The following ATP2B3 variants were observed in gnomAD, a reference collection of about 807,000 sequenced individuals.
The protein encoded by ATP2B3 is ATPase plasma membrane Ca2+ transporting 3.
A neutral mutation model predicts 70.8 loss-of-function variants in ATP2B3; 12 were observed. The observed-to-expected ratio is 0.17, with a 90% CI of 0.11 to 0.27. The LOEUF (loss-of-function observed/expected upper bound fraction) is 0.27, where lower values mean the gene tolerates loss of function less well. ATP2B3 is among the 10% of genes least tolerant of loss of function. The pLI is 1.00. For synonymous variants in ATP2B3, 460 were observed against 497.8 expected (o/e 0.92, Z 1.01); for missense variants, 858 against 1,118.5 (o/e 0.77, Z 3.32).
chrX:153,577,100 C>A (rs1401833517), intron 21 of ATP2B3, among the ~76,000 whole-genome samples: 1 of 112,916 alleles, frequency 8.9e-6, no homozygotes, highest in Non-Finnish European at 1.9e-5. Context: ...CAGCGGTTCA[C>A]TCAGTCACTT....
intron 2 of ATP2B3, among the ~76,000 whole-genome samples, chrX:153,525,235 C>T (rs1321989962): frequency 1.8e-5 from 2 of 112,638 alleles, no homozygotes; most frequent in African/African-American, 3.2e-5. Context: ...TCCTGACACT[C>T]AGAATTCCCT....
chrX:153,541,770 G>C lies in ATP2B3; in HGVS notation c.508G>C (p.Val170Leu). 1 of 1,211,750 alleles carries C rather than the reference G, an allele frequency of 8.3e-7. No homozygotes were observed. The highest frequency in any genetic ancestry group is 1.1e-6 in the Non-Finnish European group (1 of 895,545). ...GCTGTCCGTCATCTGTGTGGTGCTG[G>C]TCACGGCCTTCAATGACTGGAGCAA... ...ILLSVICVVL[V>L]TAFNDWSKEK... Residue 170 changes from valine (V) to leucine (L), a missense_variant, in exon 5 of 22, where the codon GTC (valine) becomes CTC (leucine). By Grantham distance (32) the Val-to-Leu change is conservative (BLOSUM62 1). This residue lies in a region of ATP2B3 where 278 missense variants were observed against 366.2 expected (regional missense o/e 0.76). Transcript: ENST00000263519.
chrX:153,556,180 C>T lies in ATP2B3; in HGVS notation c.2190C>T (p.Cys730=). The T allele has an allele frequency of 8.3e-7, 1 of 1,211,032 alleles. No individual in the cohort carries two copies. Among genetic ancestry groups the T allele is most frequent in the South Asian group, 1.8e-5 (1 of 56,824 alleles). Residue 730 remains cysteine (C), a synonymous_variant, in exon 14 of 22, where the codon TGC becomes TGT. Transcript: ENST00000263519. The part of the protein sequence containing the change: ...GIIQPGEDFL[C]LEGKEFNRRI... ...TCCAGCCCGGGGAGGACTTCCTGTGCCTAGAAGGGAAGGAGTTCAACCGGC... is the reference window on the plus strand; with the variant it reads ...TCCAGCCCGGGGAGGACTTCCTGTGTCTAGAAGGGAAGGAGTTCAACCGGC...
intron 8 of ATP2B3, among the ~76,000 whole-genome samples, chrX:153,546,947 G>A (rs1424044675): frequency 6.2e-5 from 7 of 112,528 alleles, no homozygotes; most frequent in Non-Finnish European, 1.3e-4. Context: ...GTGTCCTGAC[G>A]CCACTGGGAA....
At chrX:153,528,644 G>T (rs1557000714) in intron 2 of ATP2B3, among the ~76,000 whole-genome samples, 1 of 111,818 alleles carries the variant, frequency 8.9e-6, no homozygotes, top group Admixed American at 9.5e-5. Flanking sequence ...TCTTTCTCAT[G>T]TAAGAGTCTA....
Position 153,562,192 on chromosome X carries a change from C to G in ATP2B3, c.3109C>G (p.Gln1037Glu). ...CAGCTGCTCCCCACTATCCACAGAACAGTGGCTCTGGTGCCTGTTTGTTGG... is the reference window on the plus strand; with the variant it reads ...CAGCTGCTCCCCACTATCCACAGAAGAGTGGCTCTGGTGCCTGTTTGTTGG... Reference protein sequence around the residue: ...PFSCSPLSTEQWLWCLFVGVG... With the variant: ...PFSCSPLSTEEWLWCLFVGVG... Residue 1037 changes from glutamine to glutamate, a missense_variant, in exon 20 of 22, where the codon CAG (glutamine) becomes GAG (glutamate). Gln to Glu is a conservative substitution (Grantham distance 29). Transcript: ENST00000263519. The G allele has an allele frequency of 8.2e-7, 1 of 1,212,280 alleles. No homozygotes were observed. The highest frequency in any genetic ancestry group is 1.1e-6 in the Non-Finnish European group (1 of 895,562).
At chrX:153,556,872 G>A (rs1557013876) in intron 15 of ATP2B3, 45 bp from the exon 16 acceptor site, 1 of 1,141,162 alleles carries the variant, frequency 8.8e-7, no homozygotes, top group African/African-American at 1.8e-5. Context: ...CAGGGTTGTG[G>A]TGACAGATGG....
At chrX:153,549,989 C>T in intron 11 of ATP2B3, 56 bp from the exon 12 acceptor site, 1 of 1,186,356 alleles carries the variant, frequency 8.4e-7, no homozygotes, top group African/African-American at 1.7e-5. Flanking sequence ...GCTCCAGGGG[C>T]AGCATGGAGG....
intron 2 of ATP2B3, among the ~76,000 whole-genome samples, chrX:153,527,154 G>T (rs1480988461): frequency 8.9e-6 from 1 of 112,833 alleles, no homozygotes; most frequent in Non-Finnish European, 1.9e-5. Context: ...TTGGAAGCGG[G>T]CTGGGACGGG....
In ATP2B3 at chrX:153,564,955, G is replaced by A; in HGVS notation, c.3194G>A (p.Cys1065Tyr). ...IATIPTSQLK[C>Y]LKEAGHGPGK... is the part of the protein sequence containing the mutation. ...ACCATCCCCACCAGCCAGCTCAAGTGCCTGAAGGAAGCCGGGCACGGGCCC... is the reference window on the plus strand; with the variant it reads ...ACCATCCCCACCAGCCAGCTCAAGTACCTGAAGGAAGCCGGGCACGGGCCC... The change falls in exon 21 of 22, where the codon TGC (cysteine) becomes TAC (tyrosine). Residue 1065 changes from cysteine to tyrosine, a missense_variant. Physicochemically the swap from Cys to Tyr is radical, Grantham distance 194. Around this residue, in one of 5 missense-constraint regions of ATP2B3, gnomAD observed 265 missense variants for 305.3 expected, o/e 0.87. Coordinates refer to ENST00000263519, the MANE Select transcript of ATP2B3 (RefSeq NM_001001344.3). 8.3e-7 allele frequency: 1 copy of A among 1,199,260 alleles called. No individual in the cohort carries two copies. The highest frequency in any genetic ancestry group is 1.1e-6 in the Non-Finnish European group (1 of 888,536).
chrX:153,566,168 T>G (rs2090704570), intron 21 of ATP2B3, among the ~76,000 whole-genome samples: 1 of 112,088 alleles, frequency 8.9e-6, no homozygotes, highest in Admixed American at 9.3e-5. Context: ...ACACTCCACC[T>G]CCTTCTGCAA....
chrX:153,554,579 A>G (rs2090507538), intron 13 of ATP2B3, among the ~76,000 whole-genome samples: 1 of 112,633 alleles, frequency 8.9e-6, no homozygotes, highest in Non-Finnish European at 1.9e-5. Flanking sequence ...GGACGCACAG[A>G]AGGCCCAGCG....
intron 19 of ATP2B3, among the ~76,000 whole-genome samples, chrX:153,561,404 G>A (rs2090622175): frequency 1.8e-5 from 2 of 112,190 alleles, no homozygotes; most frequent in Admixed American, 1.9e-4. Context: ...GTATAGTAAG[G>A]CCAAAAGGTC....
chrX:153,560,645 CTG>C (rs1557015839), intron 18 of ATP2B3, 29 bp from the exon 19 acceptor site: 3 of 1,203,436 alleles, frequency 2.5e-6, no homozygotes, highest in South Asian at 3.5e-5. Flanking sequence ...GCTGAGATGA[CTG>C]TGCCTGAGTG....
intron 9 of ATP2B3, among the ~76,000 whole-genome samples, chrX:153,548,257 T>C (rs1381116483): frequency 9.6e-6 from 1 of 104,128 alleles, no homozygotes; most frequent in Non-Finnish European, 2.0e-5. Flanking sequence ...GAGGTGCCCC[T>C]ACCCAAGGCT....
chrX:153,523,702 TTTTTTTTTTC>T (rs1321564341), intron 2 of ATP2B3, among the ~76,000 whole-genome samples: 2 of 29,786 alleles, frequency 6.7e-5, no homozygotes, highest in Non-Finnish European at 1.3e-4. Flanking sequence ...TTTTTTTTTT[TTTTTTTTTTC>T]CCTGAGACAG....
Position 153,536,241 on chromosome X carries a change from A to G in ATP2B3, c.-7A>G. ...GATTGCACTTGTGAGAAGGCCTGAC[A>G]GGCAGCATGGGCGACATGGCCAATA... On this transcript the variant is annotated 5_prime_UTR_variant, in exon 3 of 22. Coordinates refer to ENST00000263519, the MANE Select transcript of ATP2B3 (RefSeq NM_001001344.3). 1 of 1,186,644 alleles carries G rather than the reference A, an allele frequency of 8.4e-7. No individual in the cohort carries two copies. Among genetic ancestry groups the G allele is most frequent in the Non-Finnish European group, 1.1e-6 (1 of 882,624 alleles).
intron 2 of ATP2B3, among the ~76,000 whole-genome samples, chrX:153,534,172 G>A (rs921286671): frequency 1.3e-4 from 14 of 110,542 alleles, no homozygotes; most frequent in African/African-American, 2.3e-4. Flanking sequence ...CAGGTGCACC[G>A]TCACAAGCAA....
chrX:153,567,783 G>A (rs1428135176), intron 21 of ATP2B3, among the ~76,000 whole-genome samples: 2 of 112,040 alleles, frequency 1.8e-5, no homozygotes, highest in Non-Finnish European at 1.9e-5. Context: ...GGCACCAGCC[G>A]ATCCGACTCT....
Sources: allele counts gnomAD v4.1 joint callset (sites outside exome capture counted in the v4.1 genomes callset), GRCh38; gene constraint gnomAD v4.1.1; regional missense constraint gnomAD v4.1.1; transcripts MANE v1.5; gene names NCBI Gene and HGNC (gene_info 2026-07-23, HGNC 2026-07-21).